The following CACNA2D3 variants were observed in gnomAD, a reference collection of about 807,000 sequenced individuals.
CACNA2D3 encodes voltage-dependent calcium channel subunit alpha-2/delta-3.
A neutral mutation model predicts 160.6 loss-of-function variants in CACNA2D3; 60 were observed. The observed-to-expected ratio is 0.37, with a 90% CI of 0.30 to 0.46. The LOEUF (loss-of-function observed/expected upper bound fraction) is 0.46, where lower values mean the gene tolerates loss of function less well. Among genes scored for constraint, CACNA2D3 ranks in the 20% least tolerant of loss-of-function variants. CACNA2D3 has a pLI of 1.00. For synonymous variants in CACNA2D3, 558 were observed against 492.9 expected (o/e 1.13, Z -1.75); for missense variants, 1,205 against 1,365.0 (o/e 0.88, Z 1.85).
intron 27 of CACNA2D3, among the ~76,000 whole-genome samples, chr3:54,943,343 T>G (rs80007672): frequency 0.023 from 3,497 of 152,284 alleles, 133 homozygotes; most frequent in African/African-American, 0.076. Context: ...TTTCTCACTG[T>G]CAAGTTAAGA....
chr3:54,496,400 A>T (rs1245012231), intron 4 of CACNA2D3, among the ~76,000 whole-genome samples: 1 of 152,176 alleles, frequency 6.6e-6, no homozygotes, highest in African/African-American at 2.4e-5. Flanking sequence ...TTTCCTGATG[A>T]CTAATGACAT....
chr3:54,317,119 T>G (rs1703880757), intron 2 of CACNA2D3, among the ~76,000 whole-genome samples: 1 of 152,200 alleles, frequency 6.6e-6, no homozygotes, highest in South Asian at 2.1e-4. Context: ...GGAGCACATC[T>G]GGCAGGCAGC....
chr3:54,415,750 T>C (rs1003067986), intron 4 of CACNA2D3, among the ~76,000 whole-genome samples: 9 of 152,188 alleles, frequency 5.9e-5, no homozygotes, highest in Non-Finnish European at 1.2e-4. Context: ...AAACTAAAGA[T>C]TGAGAGGCCA....
chr3:54,569,029 G>A (rs1013356058), intron 6 of CACNA2D3, among the ~76,000 whole-genome samples: 1 of 152,184 alleles, frequency 6.6e-6, no homozygotes, highest in African/African-American at 2.4e-5. Context: ...CCATCCCTGA[G>A]CAGAACTGAT....
At chr3:54,620,022 G>T (rs1203184543) in intron 9 of CACNA2D3, among the ~76,000 whole-genome samples, 1 of 152,186 alleles carries the variant, frequency 6.6e-6, no homozygotes, top group Non-Finnish European at 1.5e-5. Context: ...TCAGCGGGGA[G>T]GACAGGTGTG....
chr3:54,882,337 G>A (rs529297836), intron 21 of CACNA2D3, among the ~76,000 whole-genome samples: 37 of 152,190 alleles, frequency 2.4e-4, no homozygotes, highest in African/African-American at 7.7e-4. Flanking sequence ...TGCTCCCTTG[G>A]TCAATCCTCA....
At chr3:54,575,366 C>T (rs1341316416) in intron 8 of CACNA2D3, among the ~76,000 whole-genome samples, 1 of 152,132 alleles carries the variant, frequency 6.6e-6, no homozygotes, top group African/African-American at 2.4e-5. Context: ...GTTTATTTAC[C>T]TGTTTTTTGA....
intron 2 of CACNA2D3, among the ~76,000 whole-genome samples, chr3:54,264,694 G>A (rs1485201224): frequency 6.6e-6 from 1 of 152,212 alleles, no homozygotes; most frequent in Non-Finnish European, 1.5e-5. Flanking sequence ...GCTGTGAAAG[G>A]TATGTGGTTC....
chr3:54,296,843 T>A (rs2107484793), intron 2 of CACNA2D3, among the ~76,000 whole-genome samples: 1 of 152,320 alleles, frequency 6.6e-6, no homozygotes, highest in Admixed American at 6.5e-5. Flanking sequence ...CCATGCGAAG[T>A]AAGGGGCAAA....
chr3:54,962,299 C>T (rs898287685), intron 27 of CACNA2D3, among the ~76,000 whole-genome samples: 2 of 152,164 alleles, frequency 1.3e-5, no homozygotes, highest in Non-Finnish European at 2.9e-5. Flanking sequence ...TGGCTGATAG[C>T]ATGATTTTGT....
At chr3:54,219,457 A>T (rs963398996) in intron 2 of CACNA2D3, among the ~76,000 whole-genome samples, 1 of 152,102 alleles carries the variant, frequency 6.6e-6, no homozygotes, top group Admixed American at 6.5e-5. Flanking sequence ...ATGAATGTGG[A>T]TGTTTAGAAG....
At chr3:54,978,448 A>C (rs1306698001) in intron 29 of CACNA2D3, among the ~76,000 whole-genome samples, 1 of 152,242 alleles carries the variant, frequency 6.6e-6, no homozygotes, top group East Asian at 1.9e-4. Context: ...GCTCAGTCAG[A>C]AAGCATTGGT....
At chr3:54,522,975 GACCA>G (rs957362640) in intron 5 of CACNA2D3, among the ~76,000 whole-genome samples, 2 of 124,912 alleles carry the variant, frequency 1.6e-5, no homozygotes, top group Admixed American at 8.2e-5. Flanking sequence ...CTTACTTACT[GACCA>G]ACCTACCTAT....
chr3:55,070,641 C>T (rs1704783275), intron 35 of CACNA2D3, among the ~76,000 whole-genome samples: 1 of 152,156 alleles, frequency 6.6e-6, no homozygotes, highest in Non-Finnish European at 1.5e-5. Flanking sequence ...GGCACAGGTG[C>T]AGGTTTATCT....
At chr3:54,261,307 C>A (rs1183811879) in intron 2 of CACNA2D3, among the ~76,000 whole-genome samples, 1 of 152,164 alleles carries the variant, frequency 6.6e-6, no homozygotes, top group African/African-American at 2.4e-5. Flanking sequence ...CTCTCCACAT[C>A]TGGTGTCCAG....
intron 13 of CACNA2D3, among the ~76,000 whole-genome samples, chr3:54,780,819 G>A (rs1157615979): frequency 2.0e-5 from 3 of 152,102 alleles, no homozygotes; most frequent in African/African-American, 7.2e-5. Context: ...CTAAAGGAGT[G>A]GGGGGGTTGG....
intron 12 of CACNA2D3, among the ~76,000 whole-genome samples, chr3:54,756,287 G>A (rs1433667655): frequency 6.6e-6 from 1 of 152,124 alleles, no homozygotes; most frequent in African/African-American, 2.4e-5. Flanking sequence ...CCTTGGGAAT[G>A]TCACTGTTTG....
rs1368506531 is a variant in CACNA2D3 at position 55,063,384 on chromosome 3, T to G, written c.2988-10061T>G. On this transcript the variant is annotated intron_variant, in intron 35 of 37. Transcript: ENST00000474759. ...AGGATGTTGGAATCACTCCAGAAGC[T>G]TAAAAGAAAAAAAAAAAAAGATGCC... 2.8e-5 allele frequency among the ~76,000 whole-genome samples: 4 copies of G among 142,452 alleles called. No homozygotes were observed. In the South Asian group the frequency reaches 6.5e-4, roughly 23 times the overall value. The allele number at this position is 142,452 out of a possible 152,430, so 93.5% of individuals were successfully genotyped here. A position where few individuals can be genotyped will look rare whatever the true frequency, so the allele number is the denominator to read the frequency against.
At chr3:54,534,794 G>A (rs1701861954) in intron 5 of CACNA2D3, among the ~76,000 whole-genome samples, 1 of 152,030 alleles carries the variant, frequency 6.6e-6, no homozygotes, top group African/African-American at 2.4e-5. Flanking sequence ...AGGCATGGTG[G>A]TACATGCCTG....
Sources: allele counts gnomAD v4.1 joint callset (sites outside exome capture counted in the v4.1 genomes callset), GRCh38; gene constraint gnomAD v4.1.1; transcripts MANE v1.5; gene names NCBI Gene and HGNC (gene_info 2026-07-23, HGNC 2026-07-21).